Variants in NCAM2 observed in about 807,000 individuals in gnomAD.
The protein encoded by NCAM2 is neural cell adhesion molecule 2, also known as N-CAM-2.
Under a neutral mutation model 98.1 loss-of-function variants are expected in NCAM2, and 30 were observed. The observed-to-expected ratio is 0.31, with a 90% CI of 0.23 to 0.41. The LOEUF (loss-of-function observed/expected upper bound fraction) is 0.41. Among genes scored for constraint, NCAM2 ranks in the 10% least tolerant of loss-of-function variants. The pLI is 1.00. For synonymous variants in NCAM2, 368 were observed against 342.4 expected, an observed-to-expected ratio of 1.07 and a Z score of -0.83; for missense variants, 867 against 1,005.8, an observed-to-expected ratio of 0.86 and a Z score of 1.87.
intron 12 of NCAM2, among the ~76,000 whole-genome samples, chr21:21,448,445 A>T (rs1484869608): frequency 6.6e-6 from 1 of 151,972 alleles, no homozygotes; most frequent in East Asian, 1.9e-4. Flanking sequence ...AGGTGCAGCA[A>T]ACCATCATGC....
chr21:21,248,468 G>C (rs142604261), intron 1 of NCAM2, among the ~76,000 whole-genome samples: 14 of 151,904 alleles, frequency 9.2e-5, no homozygotes, highest in African/African-American at 3.4e-4. Flanking sequence ...TCACATCTTA[G>C]TCTTTGCTCT....
At chr21:21,398,455 A>C (rs2076561954) in intron 9 of NCAM2, among the ~76,000 whole-genome samples, 1 of 152,238 alleles carries the variant, frequency 6.6e-6, no homozygotes, top group Admixed American at 6.5e-5. Context: ...GTGATTAGGC[A>C]GATTGAGACA....
At chr21:21,154,089 T>C (rs867393652) in intron 1 of NCAM2, among the ~76,000 whole-genome samples, 10 of 151,944 alleles carry the variant, frequency 6.6e-5, no homozygotes, top group African/African-American at 2.4e-4. Flanking sequence ...TGCATGTTCA[T>C]GTATATTGTC....
chr21:21,179,395 A>G (rs1319960639), intron 1 of NCAM2, among the ~76,000 whole-genome samples: 1 of 152,138 alleles, frequency 6.6e-6, no homozygotes, highest in Non-Finnish European at 1.5e-5. Flanking sequence ...AAACAAATTG[A>G]ATGTTTTGCC....
chr21:21,328,744 A>G (rs1008088087), intron 6 of NCAM2, among the ~76,000 whole-genome samples: 2 of 151,964 alleles, frequency 1.3e-5, no homozygotes, highest in Non-Finnish European at 2.9e-5. Flanking sequence ...TATATAAAGT[A>G]AAAAAAGCTA....
At chr21:21,220,103 A>G (rs1411351345) in intron 1 of NCAM2, among the ~76,000 whole-genome samples, 1 of 152,182 alleles carries the variant, frequency 6.6e-6, no homozygotes, top group Non-Finnish European at 1.5e-5. Context: ...GCAGTAAGCT[A>G]AAGCTAAATT....
intron 1 of NCAM2, among the ~76,000 whole-genome samples, chr21:21,125,216 CATGAAATTT>C (rs2066763763): frequency 6.6e-6 from 1 of 151,398 alleles, no homozygotes; most frequent in East Asian, 1.9e-4. Context: ...TGAGAACTAT[CATGAAATTT>C]TTTCCAAATG....
Position 21,537,971 on chromosome 21 carries a change from G to T in NCAM2, c.*14G>T, listed in dbSNP as rs374214782. On this transcript the variant is annotated 3_prime_UTR_variant, in exon 18 of 18. Transcript: ENST00000400546. Reference sequence around the variant, plus strand: ...AGCAAAGCATAACAACAATATTACAGGGGCTTGAACAACACTACGAAGAGT... The same window carrying T: ...AGCAAAGCATAACAACAATATTACATGGGCTTGAACAACACTACGAAGAGT... The T allele has an allele frequency of 6.9e-5, 98 of 1,424,154 alleles. No individual in the cohort carries two copies. Among genetic ancestry groups the T allele is most frequent in the Non-Finnish European group, 9.2e-5 (95 of 1,037,986 alleles). 88.2% of individuals were successfully genotyped at this position (1,424,154 alleles called of 1,614,324 possible).
At chr21:21,234,081 C>G (rs989311868) in intron 1 of NCAM2, among the ~76,000 whole-genome samples, 5 of 151,570 alleles carry the variant, frequency 3.3e-5, no homozygotes, top group Admixed American at 3.3e-4. Flanking sequence ...TTAAAATACT[C>G]ACAGAGATTT....
rs1442383663 is a variant in NCAM2 at position 21,360,586 on chromosome 21, CT to C, written c.1045-13276del. On this transcript the variant is annotated intron_variant, in intron 8 of 17. Transcript: ENST00000400546. ...ATGCATAAATCCTACCATTTTACCCCTGGTTCATAGCGCTTACCTTGTTCAC... is the reference window on the plus strand; with the variant it reads ...ATGCATAAATCCTACCATTTTACCCCGGTTCATAGCGCTTACCTTGTTCAC... Among the ~76,000 whole-genome samples the C allele has an allele frequency of 2.6e-5, 4 of 152,022 alleles. No homozygotes were observed. The East Asian group carries it at 5.8e-4, about 22-fold the overall frequency.
At chr21:21,310,802 C>A (rs1182382258) in intron 5 of NCAM2, among the ~76,000 whole-genome samples, 1 of 152,108 alleles carries the variant, frequency 6.6e-6, no homozygotes, top group Non-Finnish European at 1.5e-5. Flanking sequence ...CACCCCAAAT[C>A]ACTCTCTAAT....
At chr21:21,006,777 G>C (rs2064120841) in intron 1 of NCAM2, among the ~76,000 whole-genome samples, 1 of 152,098 alleles carries the variant, frequency 6.6e-6, no homozygotes, top group Non-Finnish European at 1.5e-5. Flanking sequence ...AAGTCATTCT[G>C]CCTGCTGAAA....
intron 6 of NCAM2, among the ~76,000 whole-genome samples, chr21:21,327,185 G>C (rs964316647): frequency 6.6e-6 from 1 of 151,804 alleles, no homozygotes; most frequent in Non-Finnish European, 1.5e-5. Flanking sequence ...GTACGCGCCT[G>C]TAGTCCCAGC....
At chr21:21,001,270 C>G (rs2064014886) in intron 1 of NCAM2, among the ~76,000 whole-genome samples, 2 of 152,148 alleles carry the variant, frequency 1.3e-5, no homozygotes, top group Non-Finnish European at 2.9e-5. Context: ...CTCAATACAA[C>G]CTTATTGTTG....
rs752122041 is a variant in NCAM2 at position 21,324,513 on chromosome 21, C to G, written c.737+13C>G. The G allele has an allele frequency of 1.3e-6, 2 of 1,545,468 alleles. No homozygotes were observed. The highest frequency in any genetic ancestry group is 1.1e-5 in the South Asian group (1 of 89,324). ...TCTCCTGGTTCAGGTAGGTTATGCA[C>G]CCCCCTCCCTCTGGCTTGTGTCCAT... On this transcript the variant is annotated intron_variant, in intron 6 of 17. Coordinates refer to ENST00000400546, the MANE Select transcript of NCAM2 (RefSeq NM_004540.5).
chr21:21,347,554 T>G (rs1185855544), intron 8 of NCAM2, among the ~76,000 whole-genome samples: 1 of 152,030 alleles, frequency 6.6e-6, no homozygotes, highest in East Asian at 1.9e-4. Context: ...ATGGCTTCAC[T>G]GCTGTATTCT....
chr21:21,364,525 G>T (rs1468708489), intron 8 of NCAM2, among the ~76,000 whole-genome samples: 1 of 151,800 alleles, frequency 6.6e-6, no homozygotes, highest in African/African-American at 2.4e-5. Flanking sequence ...TACATCTAAT[G>T]ACATAGGTAT....
chr21:21,060,614 C>A (rs1450407876), intron 1 of NCAM2, among the ~76,000 whole-genome samples: 5 of 152,062 alleles, frequency 3.3e-5, no homozygotes, highest in African/African-American at 1.2e-4. Context: ...AAATCTATCA[C>A]ACCCTATTAA....
chr21:21,439,421 G>T (rs555494726), intron 12 of NCAM2, among the ~76,000 whole-genome samples: 17 of 152,226 alleles, frequency 1.1e-4, no homozygotes, highest in Admixed American at 2.0e-4. Flanking sequence ...GAGCCACTGC[G>T]CCCGGCCTTC....
Sources: allele counts gnomAD v4.1 joint callset (sites outside exome capture counted in the v4.1 genomes callset), GRCh38; gene constraint gnomAD v4.1.1; transcripts MANE v1.5; gene names NCBI Gene and HGNC (gene_info 2026-07-23, HGNC 2026-07-21).